Variants in LYPLA1 observed in about 807,000 individuals in gnomAD.
The protein encoded by LYPLA1 is lysophospholipase 1.
Under a neutral mutation model 34.0 loss-of-function variants are expected in LYPLA1, and 17 were observed. That is an observed-to-expected ratio of 0.50 (90% CI 0.34 to 0.75). The LOEUF (loss-of-function observed/expected upper bound fraction) is 0.75. Ranked by LOEUF, LYPLA1 falls within the 30% of genes least tolerant of loss-of-function variation. The pLI, the probability that LYPLA1 is intolerant of heterozygous loss-of-function variation, is 0.01. For missense variants in LYPLA1, 203 were observed against 288.8 expected (o/e 0.70, Z 2.15); for synonymous variants, 98 against 100.8 (o/e 0.97, Z 0.17).
chr8:54,051,037 C>T lies in LYPLA1; in HGVS notation c.614G>A (p.Gly205Asp). Residue 205 changes from glycine to aspartate, a missense_variant, in exon 8 of 9, where the codon GGT (glycine) becomes GAT (aspartate). By Grantham distance (94) the Gly-to-Asp change is moderately conservative. Coordinates refer to ENST00000316963, the MANE Select transcript of LYPLA1 (RefSeq NM_006330.4). ...PANVTFKTYE[G>D]MMHSSCQQEM... ...CTGTTGACACGAACTGTGCATCATA[C>T]CTTCATAGGTTTTAAAGGTCACATT... 6.2e-7 allele frequency: 1 copy of T among 1,613,200 alleles called. No individual in the cohort carries two copies. The highest frequency in any genetic ancestry group is 1.7e-5 in the Admixed American group (1 of 59,964).
At chr8:54,065,261 T>C (rs921317386) in intron 3 of LYPLA1, among the ~76,000 whole-genome samples, 4 of 152,036 alleles carry the variant, frequency 2.6e-5, no homozygotes, top group Non-Finnish European at 4.4e-5. Context: ...CATTTGAGAA[T>C]AGCCTGGCCA....
intron 2 of LYPLA1, among the ~76,000 whole-genome samples, chr8:54,094,699 A>C (rs959503699): frequency 1.3e-5 from 2 of 152,188 alleles, no homozygotes; most frequent in African/African-American, 4.8e-5. Context: ...TCTTGGAAAA[A>C]TGGCTGAGTC....
intron 2 of LYPLA1, among the ~76,000 whole-genome samples, chr8:54,091,977 A>G (rs1809314109): frequency 6.6e-6 from 1 of 151,960 alleles, no homozygotes; most frequent in South Asian, 2.1e-4. Context: ...ACTTCCAGTC[A>G]CTTGGGAGGC....
Position 54,101,459 on chromosome 8 carries a change from G to A in LYPLA1, c.69+296C>T, listed in dbSNP as rs954216887. The A allele has an allele frequency of 6.4e-6, 7 of 1,101,462 alleles. No individual in the cohort carries two copies. The African/African-American group carries it at 1.2e-4, about 18-fold the overall frequency. The allele number at this position is 1,101,462 out of a possible 1,614,324, so 68.2% of individuals were successfully genotyped here. On this transcript the variant is annotated intron_variant, in intron 1 of 8. Transcript: ENST00000316963. ...GTTTCCCTCACCCACACACCAGGCAGAAACACGCTGCAGAGGCTGACGCCG... is the reference window on the plus strand; with the variant it reads ...GTTTCCCTCACCCACACACCAGGCAAAAACACGCTGCAGAGGCTGACGCCG...
At chr8:54,092,531 C>CA (rs1296677964) in intron 2 of LYPLA1, among the ~76,000 whole-genome samples, 3 of 152,168 alleles carry the variant, frequency 2.0e-5, no homozygotes, top group Admixed American at 6.5e-5. Flanking sequence ...TTCTAGTTCT[C>CA]AGTTTTCCCA....
intron 2 of LYPLA1, among the ~76,000 whole-genome samples, chr8:54,086,441 A>T: frequency 9.1e-6 from 1 of 110,300 alleles, no homozygotes; most frequent in African/African-American, 7.8e-5. Context: ...AAAAAATTAA[A>T]AAAAAAAAAA....
intron 8 of LYPLA1, 75 bp downstream of exon 8, chr8:54,050,937 A>T: frequency 6.9e-7 from 1 of 1,444,752 alleles, no homozygotes; most frequent in Non-Finnish European, 9.4e-7. Context: ...CAAGCATTCA[A>T]ATGTTACTTT....
chr8:54,101,734 G>T, intron 1 of LYPLA1, 21 bp downstream of exon 1: 1 of 1,294,116 alleles, frequency 7.7e-7, no homozygotes, highest in Non-Finnish European at 9.9e-7. Flanking sequence ...ACCCCTCCGA[G>T]CCCACGCCTA....
At chr8:54,063,419 T>C in intron 3 of LYPLA1, 44 bp from the exon 4 acceptor site, 1 of 1,172,416 alleles carries the variant, frequency 8.5e-7, no homozygotes, top group Non-Finnish European at 1.2e-6. Flanking sequence ...TAACAAAGCA[T>C]AAAAACTGAT....
In LYPLA1 at chr8:54,047,978, T is replaced by G. The variant is rs192519511; in HGVS notation, c.*87A>C. 2.9e-3 allele frequency: 2,517 copies of G among 881,696 alleles called. 5 individuals are homozygous for G. Among genetic ancestry groups the G allele is most frequent in the Non-Finnish European group, 3.7e-3 (2,031 of 545,634 alleles). The allele number at this position is 881,696 out of a possible 1,614,324, so 54.6% of individuals were successfully genotyped here. A position where few individuals can be genotyped will look rare whatever the true frequency, so the allele number is the denominator to read the frequency against. On this transcript the variant is annotated 3_prime_UTR_variant, in exon 9 of 9. Transcript: ENST00000316963. ...AAAACATTTTAACACTGCAAAACAT[T>G]AGAAATTTGAAGACTGGGCATGGGA... is the stretch of plus-strand genomic sequence containing the variant.
chr8:54,101,901 T>G lies in LYPLA1; in HGVS notation c.-78A>C. 1.1e-6 allele frequency: 1 copy of G among 900,068 alleles called. No individual in the cohort carries two copies. Among genetic ancestry groups the G allele is most frequent in the Non-Finnish European group, 1.4e-6 (1 of 702,722 alleles). 55.8% of individuals were successfully genotyped at this position (900,068 alleles called of 1,614,324 possible). On this transcript the variant is annotated 5_prime_UTR_variant, in exon 1 of 9. Coordinates refer to ENST00000316963, the MANE Select transcript of LYPLA1 (RefSeq NM_006330.4). ...GGCCCAAGGGCGTGCGAGCGGCGAG[T>G]CCCGGCCGGCCCCACCGGGCGCACG...
At chr8:54,067,184 G>A (rs769719223) in intron 2 of LYPLA1, among the ~76,000 whole-genome samples, 2 of 151,992 alleles carry the variant, frequency 1.3e-5, no homozygotes, top group African/African-American at 2.4e-5. Context: ...AAATAAATAA[G>A]TGAGTAAATA....
At position 54,101,884 on chromosome 8, in the gene LYPLA1, G is replaced by T. The variant is rs982464905; in HGVS notation, c.-61C>A. 4.6e-6 allele frequency: 5 copies of T among 1,084,090 alleles called. No individual in the cohort carries two copies. The East Asian group carries it at 1.2e-4, about 26-fold the overall frequency. The allele number at this position is 1,084,090 out of a possible 1,614,324, so 67.2% of individuals were successfully genotyped here. ...AGCGGGCGCCCGGCCGCGGCCCAAGGGCGTGCGAGCGGCGAGTCCCGGCCG... is the reference window on the plus strand; with the variant it reads ...AGCGGGCGCCCGGCCGCGGCCCAAGTGCGTGCGAGCGGCGAGTCCCGGCCG... On this transcript the variant is annotated 5_prime_UTR_variant, in exon 1 of 9. Coordinates refer to ENST00000316963, the MANE Select transcript of LYPLA1 (RefSeq NM_006330.4).
At chr8:54,086,479 T>TC (rs931110509) in intron 2 of LYPLA1, among the ~76,000 whole-genome samples, 1 of 62,046 alleles carries the variant, frequency 1.6e-5, no homozygotes, top group Non-Finnish European at 2.9e-5. Flanking sequence ...CTTCTCCTCA[T>TC]CCCCCCCGCC....
At chr8:54,067,835 C>T (rs776100089) in intron 2 of LYPLA1, among the ~76,000 whole-genome samples, 3 of 151,612 alleles carry the variant, frequency 2.0e-5, no homozygotes, top group Non-Finnish European at 4.4e-5. Context: ...AGGCGCCCGC[C>T]ACCACACCAG....
intron 2 of LYPLA1, among the ~76,000 whole-genome samples, chr8:54,085,646 G>A (rs1420107728): frequency 6.6e-6 from 1 of 151,770 alleles, no homozygotes; most frequent in African/African-American, 2.4e-5. Flanking sequence ...TCTGGGAACT[G>A]AGGAGTGTCT....
At chr8:54,100,886 TA>T in intron 2 of LYPLA1, 21 bp downstream of exon 2, 1 of 1,591,628 alleles carries the variant, frequency 6.3e-7, no homozygotes, top group East Asian at 2.2e-5. Context: ...TTACTGTTAC[TA>T]TTAATAATAA....
chr8:54,047,029 C>CTA lies in LYPLA1; in HGVS notation c.*1034_*1035dup, dbSNP rs1477161728. Reference sequence around the variant, plus strand: ...GTTTCAAACGTGTACAAAGTAAACTCTATACTATGAGAAGATGAAATCATC... The same window carrying CTA: ...GTTTCAAACGTGTACAAAGTAAACTCTATATACTATGAGAAGATGAAATCATC... On this transcript the variant is annotated 3_prime_UTR_variant, in exon 9 of 9. Coordinates refer to ENST00000316963, the MANE Select transcript of LYPLA1 (RefSeq NM_006330.4). The CTA allele has an allele frequency of 2.0e-5, 3 of 152,052 alleles. No individual in the cohort carries two copies. In the East Asian group the frequency reaches 5.8e-4, roughly 29 times the overall value. The allele number at this position is 152,052 out of a possible 1,614,324, so 9.4% of individuals were successfully genotyped here.
At chr8:54,069,402 G>T (rs1202884244) in intron 2 of LYPLA1, among the ~76,000 whole-genome samples, 1 of 151,908 alleles carries the variant, frequency 6.6e-6, no homozygotes, top group Admixed American at 6.6e-5. Flanking sequence ...AAAGTAAAAG[G>T]AAAAGAAAAA....
Sources: allele counts gnomAD v4.1 joint callset (sites outside exome capture counted in the v4.1 genomes callset), GRCh38; gene constraint gnomAD v4.1.1; transcripts MANE v1.5; gene names NCBI Gene and HGNC (gene_info 2026-07-23, HGNC 2026-07-21).